ANKS1B: variants seen among roughly 807,000 people sequenced by gnomAD.
ANKS1B encodes ankyrin repeat and sterile alpha motif domain containing 1B, also known as ankyrin repeat and sterile alpha motif domain-containing protein 1B.
ANKS1B carries 36 observed loss-of-function variants against 148.3 expected under a neutral mutation model. The ratio of observed to expected loss-of-function variants is 0.24; its 90% CI spans 0.19 to 0.32. ANKS1B has a LOEUF of 0.32. ANKS1B is among the 10% of genes least tolerant of loss of function. The pLI is 1.00. For missense variants in ANKS1B, 1,157 were observed against 1,542.6 expected, an observed-to-expected ratio of 0.75 and a Z score of 4.19; for synonymous variants, 542 against 560.8, an observed-to-expected ratio of 0.97 and a Z score of 0.47.
intron 10 of ANKS1B, among the ~76,000 whole-genome samples, chr12:99,446,593 C>T (rs562442664): frequency 6.6e-6 from 1 of 152,076 alleles, no homozygotes; most frequent in Admixed American, 6.6e-5. Context: ...GCCATGTTAC[C>T]CTTCTGAGAG....
intron 17 of ANKS1B, among the ~76,000 whole-genome samples, chr12:98,947,387 T>G (rs879483768): frequency 2.0e-5 from 3 of 150,714 alleles, no homozygotes; most frequent in Non-Finnish European, 2.9e-5. Context: ...GAGCAGTGGT[T>G]TGGATTCTGG....
intron 9 of ANKS1B, among the ~76,000 whole-genome samples, chr12:99,587,042 A>G (rs1038332040): frequency 6.6e-6 from 1 of 152,220 alleles, no homozygotes; most frequent in Non-Finnish European, 1.5e-5. Flanking sequence ...ATTGTACTCT[A>G]TTATTGGTAA....
At chr12:99,066,447 C>T (rs987669951) in intron 16 of ANKS1B, among the ~76,000 whole-genome samples, 24 of 152,112 alleles carry the variant, frequency 1.6e-4, no homozygotes, top group African/African-American at 5.8e-4. Flanking sequence ...CAAGAAATAA[C>T]AAGGAGACCA....
At chr12:99,843,314 T>G (rs2086073179) in intron 1 of ANKS1B, among the ~76,000 whole-genome samples, 2 of 152,108 alleles carry the variant, frequency 1.3e-5, no homozygotes, top group African/African-American at 4.8e-5. Context: ...CTCTCCTTGG[T>G]TAGCCTAGGT....
intron 2 of ANKS1B, among the ~76,000 whole-genome samples, chr12:99,817,859 T>C (rs1424649236): frequency 6.6e-6 from 1 of 151,806 alleles, no homozygotes; most frequent in Non-Finnish European, 1.5e-5. Context: ...AATTATTTGG[T>C]TTTTTGCTAT....
At chr12:99,441,340 C>A (rs987298792) in intron 11 of ANKS1B, among the ~76,000 whole-genome samples, 6 of 151,852 alleles carry the variant, frequency 4.0e-5, no homozygotes, top group Non-Finnish European at 7.4e-5. Flanking sequence ...ATCCATCCAT[C>A]CTCTATGCAC....
At chr12:99,561,731 C>T (rs774415240) in intron 9 of ANKS1B, among the ~76,000 whole-genome samples, 1 of 152,168 alleles carries the variant, frequency 6.6e-6, no homozygotes, top group Admixed American at 6.5e-5. Context: ...TCTACCACAT[C>T]TTCAGTTCCT....
chr12:99,551,974 C>G (rs1461683432), intron 9 of ANKS1B, among the ~76,000 whole-genome samples: 1 of 152,098 alleles, frequency 6.6e-6, no homozygotes, highest in Non-Finnish European at 1.5e-5. Context: ...AAACACTGTT[C>G]CAATCATATA....
intron 8 of ANKS1B, among the ~76,000 whole-genome samples, chr12:99,765,182 T>C (rs1018231841): frequency 4.6e-5 from 7 of 152,212 alleles, no homozygotes; most frequent in African/African-American, 1.7e-4. Flanking sequence ...GATTCCCACG[T>C]TGAGGATAAT....
At chr12:99,824,243 C>G (rs528413108) in intron 2 of ANKS1B, among the ~76,000 whole-genome samples, 19 of 151,974 alleles carry the variant, frequency 1.3e-4, no homozygotes, top group African/African-American at 4.3e-4. Flanking sequence ...GGCGTGGTAG[C>G]TCACAATCGG....
intron 12 of ANKS1B, among the ~76,000 whole-genome samples, chr12:99,347,803 CA>C (rs35325272): frequency 6.6e-6 from 1 of 150,812 alleles, no homozygotes; most frequent in African/African-American, 2.4e-5. Context: ...ATTAGACTTC[CA>C]AAAAAAATAA....
chr12:99,865,681 A>G (rs562230291), intron 1 of ANKS1B, among the ~76,000 whole-genome samples: 6 of 152,354 alleles, frequency 3.9e-5, no homozygotes, highest in South Asian at 2.1e-4. Flanking sequence ...AGTACTTAAT[A>G]GTAGGAGGAA....
At chr12:99,690,039 G>A (rs1462646365) in intron 8 of ANKS1B, among the ~76,000 whole-genome samples, 2 of 152,162 alleles carry the variant, frequency 1.3e-5, no homozygotes, top group African/African-American at 4.8e-5. Context: ...TACAATCATG[G>A]TGGAAGGCAA....
chr12:99,612,993 G>A (rs1394566280), intron 9 of ANKS1B, among the ~76,000 whole-genome samples: 1 of 152,084 alleles, frequency 6.6e-6, no homozygotes, highest in African/African-American at 2.4e-5. Context: ...CAATGGGAAT[G>A]CCCTTGGGAT....
At chr12:98,864,925 C>A (rs1157091102) in intron 17 of ANKS1B, among the ~76,000 whole-genome samples, 3 of 152,216 alleles carry the variant, frequency 2.0e-5, no homozygotes, top group African/African-American at 7.2e-5. Context: ...CTTCCTTAGG[C>A]AGGATAAACT....
intron 10 of ANKS1B, among the ~76,000 whole-genome samples, chr12:99,484,846 T>C (rs1267742034): frequency 2.0e-5 from 3 of 151,314 alleles, no homozygotes; most frequent in Non-Finnish European, 4.4e-5. Flanking sequence ...CTTGCTTTTG[T>C]TTCCGTTTGT....
At chr12:99,632,794 T>A (rs2153402808) in intron 9 of ANKS1B, among the ~76,000 whole-genome samples, 1 of 133,972 alleles carries the variant, frequency 7.5e-6, no homozygotes, top group Admixed American at 7.8e-5. Flanking sequence ...AGTTCTAGGG[T>A]ACATGTGCAC....
chr12:99,074,367 G>C (rs1313948381), intron 16 of ANKS1B, among the ~76,000 whole-genome samples: 1 of 151,168 alleles, frequency 6.6e-6, no homozygotes, highest in African/African-American at 2.4e-5. Context: ...TGCCTCTTTA[G>C]CTTGGGAAGA....
intron 4 of ANKS1B, among the ~76,000 whole-genome samples, chr12:99,792,592 C>T (rs7294570): frequency 6.6e-6 from 1 of 151,806 alleles, no homozygotes; most frequent in Non-Finnish European, 1.5e-5. Flanking sequence ...CCTGTATCAA[C>T]AGAATGAAGG....
Sources: gnomAD v4.1 joint callset for allele counts (sites outside exome capture counted in the v4.1 genomes callset) on GRCh38, gnomAD v4.1.1 for gene constraint, MANE v1.5 for transcripts, NCBI Gene and HGNC (gene_info 2026-07-23, HGNC 2026-07-21) for gene names.